The following IQSEC1 variants were observed in gnomAD, a reference collection of about 807,000 sequenced individuals.
IQSEC1 encodes the protein IQ motif and SEC7 domain-containing protein 1.
A neutral mutation model predicts 91.0 loss-of-function variants in IQSEC1; 31 were observed. The observed-to-expected ratio is 0.34, with a 90% CI of 0.26 to 0.46. The LOEUF (loss-of-function observed/expected upper bound fraction) is 0.46. Among genes scored for constraint, IQSEC1 ranks in the 20% least tolerant of loss-of-function variants. The probability of loss-of-function intolerance (pLI) is 1.00; values close to 1 mark genes in which losing one functional copy is unlikely to be tolerated. For synonymous variants in IQSEC1, 699 were observed against 662.6 expected, an observed-to-expected ratio of 1.05 and a Z score of -0.84; for missense variants, 1,388 against 1,575.6, an observed-to-expected ratio of 0.88 and a Z score of 2.02.
rs926176970 is a variant in IQSEC1 at position 13,214,475 on chromosome 3, C to T, written c.273-50342G>A. On this transcript the variant is annotated intron_variant, in intron 1 of 15. Transcript: ENST00000648114. The surrounding 1 kb of genome is among the most constrained non-coding windows in gnomAD (Gnocchi z 4.5). ...CTTGAATCTGGGACATGTCCCTCCTCGTAGCCCTCCTTCCTCCAAGAAACA... is the reference window on the plus strand; with the variant it reads ...CTTGAATCTGGGACATGTCCCTCCTTGTAGCCCTCCTTCCTCCAAGAAACA... 2.0e-5 allele frequency among the ~76,000 whole-genome samples: 3 copies of T among 152,276 alleles called. No homozygotes were observed. The highest frequency in any genetic ancestry group is 4.4e-5 in the Non-Finnish European group (3 of 68,046).
Position 12,935,323 on chromosome 3 carries a change from G to T in IQSEC1, c.1568+125C>A. 3.3e-6 allele frequency: 3 copies of T among 922,592 alleles called. No homozygotes were observed. Among genetic ancestry groups the T allele is most frequent in the Non-Finnish European group, 4.9e-6 (3 of 615,624 alleles). 57.2% of individuals were successfully genotyped at this position (922,592 alleles called of 1,614,324 possible). A position where few individuals can be genotyped will look rare whatever the true frequency, so the allele number is the denominator to read the frequency against. On this transcript the variant is annotated intron_variant, in intron 3 of 13. Coordinates refer to ENST00000613206, the MANE Select transcript of IQSEC1 (RefSeq NM_001134382.3). The surrounding 1 kb of genome is among the most constrained non-coding windows in gnomAD (Gnocchi z 8.0). ...TCCTAGCCACCGACCTTGTGTGGCA[G>T]CTTCCTATGCTCATAGGCCACGGTG...
Position 12,900,235 on chromosome 3 carries a change from T to C in IQSEC1, c.*748A>G, listed in dbSNP as rs1210633149. ...CTATGTTACTTGGCACAGTTAGTAA[T>C]GATTGTGTAAAGATTTTAGCCAGTC... On this transcript the variant is annotated 3_prime_UTR_variant, in exon 14 of 14. Transcript: ENST00000613206. The C allele has an allele frequency of 1.3e-5, 13 of 984,210 alleles. No homozygotes were observed. Among genetic ancestry groups the C allele is most frequent in the Non-Finnish European group, 1.6e-5 (13 of 828,960 alleles). The allele number at this position is 984,210 out of a possible 1,614,324, so 61.0% of individuals were successfully genotyped here. A position where few individuals can be genotyped will look rare whatever the true frequency, so the allele number is the denominator to read the frequency against.
At chr3:13,128,587 C>T (rs1049759642) in intron 2 of IQSEC1, among the ~76,000 whole-genome samples, 4 of 152,070 alleles carry the variant, frequency 2.6e-5, no homozygotes, top group African/African-American at 9.7e-5. Flanking sequence ...TACATCTAGC[C>T]GGGCACAGTG....
intron 5 of IQSEC1, 111 bp from the exon 6 acceptor site, chr3:12,920,707 G>A: frequency 1.7e-6 from 2 of 1,158,330 alleles, no homozygotes; most frequent in Non-Finnish European, 2.5e-6. Flanking sequence ...TGCTTCTGGT[G>A]AGCGAGGATC....
At chr3:13,275,360 G>A (rs1244557734) in intron 1 of IQSEC1, among the ~76,000 whole-genome samples, 1 of 152,158 alleles carries the variant, frequency 6.6e-6, no homozygotes, top group East Asian at 1.9e-4. Flanking sequence ...CAGCTTGGAG[G>A]GCAGGGGCCA....
At chr3:13,065,371 C>A (rs763864569) in intron 1 of IQSEC1, among the ~76,000 whole-genome samples, 1 of 152,182 alleles carries the variant, frequency 6.6e-6, no homozygotes, top group Non-Finnish European at 1.5e-5. Context: ...GCAAGGGAAC[C>A]AAATAGACAA....
At chr3:13,158,517 C>A (rs1707118349) in intron 2 of IQSEC1, among the ~76,000 whole-genome samples, 1 of 152,170 alleles carries the variant, frequency 6.6e-6, no homozygotes, top group African/African-American at 2.4e-5. Context: ...GGTAACCAGG[C>A]CCACCGTCTC....
chr3:13,046,212 AG>A (rs1316726107), intron 1 of IQSEC1, among the ~76,000 whole-genome samples: 1 of 152,218 alleles, frequency 6.6e-6, no homozygotes, highest in African/African-American at 2.4e-5. Flanking sequence ...CTGGGCCATA[AG>A]GGCTGTCAGC....
At chr3:13,266,904 C>T (rs945157524) in intron 1 of IQSEC1, among the ~76,000 whole-genome samples, 2 of 152,186 alleles carry the variant, frequency 1.3e-5, no homozygotes, top group Non-Finnish European at 2.9e-5. Context: ...ATGAAGTGGA[C>T]GGCAGGAACG....
At chr3:13,130,791 A>C (rs1417959143) in intron 2 of IQSEC1, among the ~76,000 whole-genome samples, 1 of 152,000 alleles carries the variant, frequency 6.6e-6, no homozygotes, top group Non-Finnish European at 1.5e-5. Flanking sequence ...AATAATACTA[A>C]TAATAATACA....
At chr3:12,960,903 T>C (rs1700202457) in intron 1 of IQSEC1, among the ~76,000 whole-genome samples, 1 of 152,216 alleles carries the variant, frequency 6.6e-6, no homozygotes, top group Non-Finnish European at 1.5e-5. Flanking sequence ...TCTCCCTCCA[T>C]TGTTCCCATT....
intron 1 of IQSEC1, among the ~76,000 whole-genome samples, chr3:13,012,411 G>C (rs1373440126): frequency 1.3e-5 from 2 of 152,142 alleles, no homozygotes; most frequent in African/African-American, 4.8e-5. Flanking sequence ...TCCCTCCTCT[G>C]GGCTCCCACA....
At chr3:13,180,073 A>G (rs1693811282) in intron 1 of IQSEC1, among the ~76,000 whole-genome samples, 1 of 150,534 alleles carries the variant, frequency 6.6e-6, no homozygotes. Context: ...GCCCAGTCCC[A>G]TCCACCACCC....
At chr3:13,145,883 C>A (rs899774415) in intron 2 of IQSEC1, among the ~76,000 whole-genome samples, 2 of 149,628 alleles carry the variant, frequency 1.3e-5, no homozygotes, top group African/African-American at 4.9e-5. Context: ...TCTGTCCTGG[C>A]GTGGGGCAGG....
intron 1 of IQSEC1, among the ~76,000 whole-genome samples, chr3:13,281,894 A>T (rs1286441489): frequency 6.6e-6 from 1 of 152,158 alleles, no homozygotes; most frequent in Non-Finnish European, 1.5e-5. Flanking sequence ...ACCCCGCCCC[A>T]GAGACACCGA....
At chr3:13,212,027 G>A (rs1462228334) in intron 1 of IQSEC1, among the ~76,000 whole-genome samples, 1 of 152,220 alleles carries the variant, frequency 6.6e-6, no homozygotes, top group Non-Finnish European at 1.5e-5. Flanking sequence ...GAGTCAGGCA[G>A]TCCAGAGTCT....
intron 1 of IQSEC1, among the ~76,000 whole-genome samples, chr3:13,177,127 G>A (rs755790031): frequency 1.5e-4 from 23 of 152,212 alleles, no homozygotes; most frequent in Non-Finnish European, 2.4e-4. Context: ...AGACAATGGC[G>A]AGGGGTGTAC....
In IQSEC1 at chr3:13,029,657, A is replaced by G. The variant is rs78338025; in HGVS notation, c.23+43335T>C. ...CCGTCCAGGTCAAGGGGGGCCAAAC[A>G]GGAACCCTCCCCTTGTGCGTGAGCG... On this transcript the variant is annotated intron_variant, in intron 1 of 13. Transcript: ENST00000613206. 3.0e-3 allele frequency among the ~76,000 whole-genome samples: 461 copies of G among 152,352 alleles called. 3 individuals are homozygous for G. Among genetic ancestry groups the G allele is most frequent in the African/African-American group, 0.011 (437 of 41,576 alleles).
chr3:12,917,840 A>T (rs193242568), intron 6 of IQSEC1, among the ~76,000 whole-genome samples: 1 of 152,238 alleles, frequency 6.6e-6, no homozygotes, highest in Admixed American at 6.5e-5. Flanking sequence ...TAAAAAATTT[A>T]AGAACAAACT....
Sources: gnomAD v4.1 joint callset for allele counts (sites outside exome capture counted in the v4.1 genomes callset) on GRCh38, gnomAD v4.1.1 for gene constraint, Gnocchi (gnomAD v3.1) non-coding constraint, MANE v1.5 for transcripts, NCBI Gene and HGNC (gene_info 2026-07-23, HGNC 2026-07-21) for gene names.